GLIS3: variants seen among roughly 807,000 people sequenced by gnomAD.
GLIS3 encodes GLIS family zinc finger 3, also known as zinc finger protein GLIS3.
Under a neutral mutation model 78.6 loss-of-function variants are expected in GLIS3, and 53 were observed. The observed-to-expected ratio is 0.67, with a 90% CI of 0.54 to 0.85. The LOEUF is 0.85. Among genes scored for constraint, GLIS3 ranks in the 40% least tolerant of loss-of-function variants. The pLI is 0.00. For synonymous variants in GLIS3, 684 were observed against 509.9 expected (o/e 1.34, Z -4.60); for missense variants, 1,703 against 1,231.1 (o/e 1.38, Z -5.74).
chr9:4,327,368 T>A (rs144558465), intron 2 of GLIS3, among the ~76,000 whole-genome samples: 1 of 151,874 alleles, frequency 6.6e-6, no homozygotes, highest in Non-Finnish European at 1.5e-5. Flanking sequence ...GGATGTGATA[T>A]TGTGATCCAG....
intron 2 of GLIS3, among the ~76,000 whole-genome samples, chr9:4,142,692 C>G (rs1168955494): frequency 1.3e-5 from 2 of 152,102 alleles, no homozygotes; most frequent in Admixed American, 1.3e-4. Context: ...AATATTAGCA[C>G]CTTACAATGG....
At chr9:4,012,887 C>T (rs1002425591) in intron 4 of GLIS3, among the ~76,000 whole-genome samples, 1 of 151,016 alleles carries the variant, frequency 6.6e-6, no homozygotes, top group African/African-American at 2.4e-5. Context: ...ATTCTCCTGC[C>T]TCGGTTTCCA....
At chr9:4,339,627 A>G (rs926302008) in intron 2 of GLIS3, among the ~76,000 whole-genome samples, 1 of 149,678 alleles carries the variant, frequency 6.7e-6, no homozygotes, top group Non-Finnish European at 1.5e-5. Flanking sequence ...GGTCAGGTAA[A>G]GCTAATCAGA....
intron 4 of GLIS3, among the ~76,000 whole-genome samples, chr9:4,029,525 T>C (rs368542220): frequency 1.2e-4 from 18 of 152,314 alleles, no homozygotes; most frequent in African/African-American, 4.1e-4. Flanking sequence ...CGTGGTGCCA[T>C]TGAATAGTAG....
At chr9:3,894,389 T>C (rs940437913) in intron 7 of GLIS3, among the ~76,000 whole-genome samples, 3 of 152,180 alleles carry the variant, frequency 2.0e-5, no homozygotes, top group Admixed American at 1.3e-4. Flanking sequence ...ATGAAGCACT[T>C]TTACAGAAAA....
At position 4,259,200 on chromosome 9, in the gene GLIS3, A is replaced by G. The variant is rs1825272431; in HGVS notation, c.388+26838T>C. Among the ~76,000 whole-genome samples the G allele has an allele frequency of 3.3e-5, 5 of 152,018 alleles. No homozygotes were observed. In the South Asian group the frequency reaches 1.0e-3, roughly 31 times the overall value. ...GAAACTGGTAATATGGAGAAACTTC[A>G]GATTTCATGAGATCCAAAGGTCAGG... On this transcript the variant is annotated intron_variant, in intron 2 of 10. Coordinates refer to ENST00000381971, the MANE Select transcript of GLIS3 (RefSeq NM_001042413.2).
chr9:4,446,670 C>A, the GLIS3 span, among the ~76,000 whole-genome samples: 1 of 135,332 alleles, frequency 7.4e-6, no homozygotes, highest in Non-Finnish European at 1.7e-5. Flanking sequence ...CCACCATGCC[C>A]GGCTAATTTT....
chr9:4,229,524 G>A (rs891318008), intron 2 of GLIS3, among the ~76,000 whole-genome samples: 1 of 152,200 alleles, frequency 6.6e-6, no homozygotes, highest in Admixed American at 6.5e-5. Flanking sequence ...CTCCTGCACA[G>A]TGTTATCCTT....
intron 2 of GLIS3, among the ~76,000 whole-genome samples, chr9:4,261,816 T>C (rs1202620945): frequency 6.6e-6 from 1 of 152,170 alleles, no homozygotes; most frequent in South Asian, 2.1e-4. Context: ...TTCACTCTCT[T>C]ATCTTGAATC....
chr9:4,133,825 T>TACACACACACACACACACAC (rs138728219), intron 2 of GLIS3, among the ~76,000 whole-genome samples: 14 of 121,800 alleles, frequency 1.1e-4, no homozygotes, highest in Non-Finnish European at 1.8e-4. Flanking sequence ...CAAGACCTTC[T>TACACACACACACACACACAC]ACACACACAC....
intron 2 of GLIS3, among the ~76,000 whole-genome samples, chr9:4,216,138 T>C (rs773169243): frequency 6.6e-6 from 1 of 152,004 alleles, no homozygotes; most frequent in Non-Finnish European, 1.5e-5. Context: ...GCCAGGGTAG[T>C]TTTTATTCCT....
chr9:4,166,671 T>C (rs563083256), intron 2 of GLIS3, among the ~76,000 whole-genome samples: 3 of 152,340 alleles, frequency 2.0e-5, no homozygotes, highest in Admixed American at 6.5e-5. Context: ...CTATTTATGA[T>C]TTTCGGTGTT....
At chr9:4,052,684 C>CT (rs554625757) in intron 4 of GLIS3, among the ~76,000 whole-genome samples, 1 of 152,172 alleles carries the variant, frequency 6.6e-6, no homozygotes, top group Non-Finnish European at 1.5e-5. Context: ...TAAAATTTCA[C>CT]TATATGGATA....
chr9:4,144,682 G>C (rs1293589014), intron 2 of GLIS3, among the ~76,000 whole-genome samples: 1 of 152,192 alleles, frequency 6.6e-6, no homozygotes, highest in Non-Finnish European at 1.5e-5. Flanking sequence ...AATCAACCAT[G>C]AGTAGGGGCA....
the GLIS3 span, among the ~76,000 whole-genome samples, chr9:4,417,299 T>C: frequency 1.3e-5 from 2 of 152,194 alleles, no homozygotes; most frequent in Non-Finnish European, 2.9e-5. Context: ...GGGACTGATA[T>C]TATTTAACTA....
chr9:4,253,109 G>T (rs1160743609), intron 2 of GLIS3, among the ~76,000 whole-genome samples: 1 of 152,260 alleles, frequency 6.6e-6, no homozygotes. Context: ...CACTGGAGGA[G>T]GCAGTCTGTC....
intron 4 of GLIS3, among the ~76,000 whole-genome samples, chr9:4,032,110 C>T (rs910976538): frequency 2.6e-5 from 4 of 152,132 alleles, no homozygotes; most frequent in Non-Finnish European, 5.9e-5. Flanking sequence ...CCAAGTGAGA[C>T]CCACCGTCAG....
chr9:4,436,406 C>T, the GLIS3 span, among the ~76,000 whole-genome samples: 1 of 152,278 alleles, frequency 6.6e-6, no homozygotes, highest in South Asian at 2.1e-4. Context: ...ATTCTTCCTT[C>T]TCCCTCCAAA....
rs1676881690 is a variant in GLIS3 at position 3,931,074 on chromosome 9, TCAATTTACTGGGATTC to T, written c.1983+1270_1983+1285del. Among the ~76,000 whole-genome samples the T allele has an allele frequency of 5.3e-5, 8 of 152,284 alleles. No homozygotes were observed. In the South Asian group the frequency reaches 1.7e-3, roughly 32 times the overall value. ...AGTGTCTGTCTAATGATCACAGATA[TCAATTTACTGGGATTC>T]CAATTAAAGAAATTTAACTACATTT... On this transcript the variant is annotated intron_variant, in intron 6 of 10. Coordinates refer to ENST00000381971, the MANE Select transcript of GLIS3 (RefSeq NM_001042413.2).
Sources: allele counts gnomAD v4.1 joint callset (sites outside exome capture counted in the v4.1 genomes callset), GRCh38; gene constraint gnomAD v4.1.1; transcripts MANE v1.5; gene names NCBI Gene and HGNC (gene_info 2026-07-23, HGNC 2026-07-21).